Variants in DOCK6 observed in about 807,000 individuals in gnomAD.
The protein encoded by DOCK6 is dedicator of cytokinesis protein 6.
Under a neutral mutation model 230.3 loss-of-function variants are expected in DOCK6, and 167 were observed. The observed-to-expected ratio is 0.73, with a 90% CI of 0.64 to 0.82. DOCK6 has a LOEUF of 0.82. Among genes scored for constraint, DOCK6 ranks in the 40% least tolerant of loss-of-function variants. The pLI is 0.00. For missense variants in DOCK6, 2,598 were observed against 2,825.8 expected (o/e 0.92, Z 1.83); for synonymous variants, 1,148 against 1,185.0 (o/e 0.97, Z 0.64).
intron 24 of DOCK6, among the ~76,000 whole-genome samples, chr19:11,225,177 G>A (rs1408222332): frequency 6.6e-6 from 1 of 152,054 alleles, no homozygotes; most frequent in African/African-American, 2.4e-5. Flanking sequence ...GCGGTGAGCC[G>A]AGATCGTGCC....
In DOCK6 at chr19:11,222,349, A is replaced by G. The variant is rs906691670; in HGVS notation, c.3241-101T>C. ...GGAGGTGACAGAAATCATGGTGCCA[A>G]TAGCCACAGATGAAAGACTGATGTT... On this transcript the variant is annotated intron_variant, in intron 26 of 47. Coordinates refer to ENST00000294618, the MANE Select transcript of DOCK6 (RefSeq NM_020812.4). The surrounding 1 kb of genome is among the most constrained non-coding windows in gnomAD (Gnocchi z 4.0). 24 of 1,442,980 alleles carry G rather than the reference A, an allele frequency of 1.7e-5. No individual in the cohort carries two copies. The highest frequency in any genetic ancestry group is 2.1e-5 in the Admixed American group (1 of 47,510). The allele number at this position is 1,442,980 out of a possible 1,614,324, so 89.4% of individuals were successfully genotyped here.
chr19:11,243,772 T>C lies in DOCK6; in HGVS notation c.1104+30A>G, dbSNP rs771403818. On this transcript the variant is annotated intron_variant, in intron 10 of 47. Transcript: ENST00000294618. The surrounding 1 kb of genome is among the most constrained non-coding windows in gnomAD (Gnocchi z 6.3). ...CTAGCCCTGCTGAGTCAGGGATCTGTTGCCCCTAGTCCAGCCTCCACACGC... is the reference window on the plus strand; with the variant it reads ...CTAGCCCTGCTGAGTCAGGGATCTGCTGCCCCTAGTCCAGCCTCCACACGC... The C allele has an allele frequency of 1.1e-5, 17 of 1,613,366 alleles. No homozygotes were observed. Among genetic ancestry groups the C allele is most frequent in the Admixed American group, 1.7e-5 (1 of 59,900 alleles).
chr19:11,216,090 A>AATT, intron 30 of DOCK6, 163 bp from the exon 31 acceptor site: 5 of 621,684 alleles, frequency 8.0e-6, no homozygotes, highest in Non-Finnish European at 9.5e-6. Context: ...CAAAAAAAAA[A>AATT]TTTTTTTTTT....
intron 1 of DOCK6, chr19:11,254,120 A>C: frequency 1.8e-5 from 3 of 169,628 alleles, no homozygotes; most frequent in Admixed American, 6.4e-5. Flanking sequence ...CAGAACATAC[A>C]TCCCTTCCCA....
At chr19:11,220,867 C>T (rs2079568004) in intron 28 of DOCK6, among the ~76,000 whole-genome samples, 1 of 150,782 alleles carries the variant, frequency 6.6e-6, no homozygotes, top group South Asian at 2.1e-4. Flanking sequence ...CTCTGTCGCC[C>T]AGGCTGGAGT....
chr19:11,250,924 G>C lies in DOCK6; in HGVS notation c.670C>G (p.Arg224Gly). The change falls in exon 6 of 48, where the codon CGG becomes GGG. Residue 224 changes from arginine to glycine, a missense_variant. Arg to Gly is a moderately radical substitution (Grantham distance 125). Transcript: ENST00000294618. Reference protein sequence around the residue: ...DVDRRNETLRRQHRPPALLTL... With the variant: ...DVDRRNETLRGQHRPPALLTL... ...AGCAGGGCCGGGGGCCGGTGCTGCC[G>C]TCGAAGGGTTTCATTGCGCCGGTCC... is the stretch of plus-strand genomic sequence containing the variant. The C allele has an allele frequency of 6.2e-7, 1 of 1,609,108 alleles. No individual in the cohort carries two copies. The highest frequency in any genetic ancestry group is 8.5e-7 in the Non-Finnish European group (1 of 1,176,064).
rs750766127 is a variant in DOCK6 at position 11,243,614 on chromosome 19, AGTGCACGGCC to A, written c.1191_1200del (p.Ala398TrpfsTer5). ...CCAGCGCTGCTCACGATGTTGGCCA[AGTGCACGGCC>A]GTCCAGGCGAAGGGCATGCGGTAGC... On this transcript the variant is annotated frameshift_variant, in exon 11 of 48. Transcript: ENST00000294618. LOFTEE classifies it high-confidence loss of function. The surrounding 1 kb of genome is among the most constrained non-coding windows in gnomAD (Gnocchi z 6.3). 1 of 1,611,766 alleles carries A rather than the reference AGTGCACGGCC, an allele frequency of 6.2e-7. No homozygotes were observed. The highest frequency in any genetic ancestry group is 8.5e-7 in the Non-Finnish European group (1 of 1,179,412).
rs769519032 is a variant in DOCK6 at position 11,248,162 on chromosome 19, T to TG, written c.721-12dup. 14 of 1,154,954 alleles carry TG rather than the reference T, an allele frequency of 1.2e-5. No homozygotes were observed. Among genetic ancestry groups the TG allele is most frequent in the Non-Finnish European group, 1.4e-5 (11 of 806,128 alleles). The allele number at this position is 1,154,954 out of a possible 1,614,324, so 71.5% of individuals were successfully genotyped here. On this transcript the variant is annotated splice_polypyrimidine_tract_variant and intron_variant, in intron 6 of 47. Transcript: ENST00000294618. Reference sequence around the variant, plus strand: ...TTCCACGGCTTCATCCTGCCAAGAGTGGGGGGTGGGAGCTGGGCGGGAGGA... The same window carrying TG: ...TTCCACGGCTTCATCCTGCCAAGAGTGGGGGGGTGGGAGCTGGGCGGGAGGA...
chr19:11,244,936 G>A (rs2080009632), intron 9 of DOCK6, among the ~76,000 whole-genome samples: 1 of 152,158 alleles, frequency 6.6e-6, no homozygotes, highest in Non-Finnish European at 1.5e-5. Context: ...AGGCCACTCT[G>A]GGCATGGCTC....
chr19:11,204,148 G>T (rs1384789872), intron 40 of DOCK6, 52 bp downstream of exon 40: 2 of 1,524,736 alleles, frequency 1.3e-6, no homozygotes, highest in African/African-American at 1.4e-5. Context: ...TGAGGAGTGG[G>T]GATGAGGAGT....
intron 35 of DOCK6, among the ~76,000 whole-genome samples, chr19:11,212,561 C>CT (rs1363586266): frequency 0.046 from 4,555 of 99,872 alleles, 329 homozygotes; most frequent in African/African-American, 0.14. Context: ...TTCTTTCTTT[C>CT]TTTCTTTTTT....
chr19:11,246,134 T>C (rs1271671309), intron 7 of DOCK6, among the ~76,000 whole-genome samples: 3 of 151,000 alleles, frequency 2.0e-5, no homozygotes, highest in Non-Finnish European at 4.4e-5. Context: ...TGGTGCGATC[T>C]CGGCTCACTG....
At chr19:11,230,543 T>C (rs1242681674) in intron 22 of DOCK6, among the ~76,000 whole-genome samples, 1 of 151,874 alleles carries the variant, frequency 6.6e-6, no homozygotes, top group Non-Finnish European at 1.5e-5. Context: ...AGAATGTGTG[T>C]GGCCAGAGAA....
chr19:11,239,566 G>C, intron 14 of DOCK6: 1 of 1,568,462 alleles, frequency 6.4e-7, no homozygotes, highest in Non-Finnish European at 8.7e-7. Context: ...ACGATTGACT[G>C]GGGATCAGTG....
At chr19:11,239,602 G>A in intron 14 of DOCK6, 4 of 1,609,400 alleles carry the variant, frequency 2.5e-6, no homozygotes, top group Non-Finnish European at 3.4e-6. Flanking sequence ...AAAGGCTTCA[G>A]TGACAGTGCT....
intron 37 of DOCK6, among the ~76,000 whole-genome samples, chr19:11,209,319 C>T (rs2079322051): frequency 6.6e-6 from 1 of 151,752 alleles, no homozygotes; most frequent in African/African-American, 2.4e-5. Flanking sequence ...TTCTTACCTG[C>T]TGGCCAGTCA....
rs115427949 is a variant in DOCK6 at position 11,250,886 on chromosome 19, C to T, written c.708G>A (p.Pro236=). The change falls in exon 6 of 48, where the codon CCG becomes CCA. Residue 236 remains proline, a synonymous_variant. Coordinates refer to ENST00000294618, the MANE Select transcript of DOCK6 (RefSeq NM_020812.4). The part of the protein sequence containing the change: ...HRPPALLTLY[P]APDEDEAVER... ...AAGGGGCACCCACCTCGTCAGGTGCCGGGTAGAGGGTGAGCAGGGCCGGGG... is the reference window on the plus strand; with the variant it reads ...AAGGGGCACCCACCTCGTCAGGTGCTGGGTAGAGGGTGAGCAGGGCCGGGG... The T allele has an allele frequency of 4.8e-5, 77 of 1,596,306 alleles. No individual in the cohort carries two copies. The African/African-American group carries it at 9.1e-4, about 19-fold the overall frequency.
intron 34 of DOCK6, 59 bp downstream of exon 34, chr19:11,214,216 T>G (rs1245016228): frequency 2.6e-6 from 4 of 1,527,376 alleles, no homozygotes. Flanking sequence ...TGAGCCACTG[T>G]GCTCAGCCTA....
Position 11,201,087 on chromosome 19 carries a change from G to A in DOCK6, c.5689-35C>T. Reference sequence around the variant, plus strand: ...AAGGGGAGGGGTGTGTACTCGCTGGGGCCTGAGGAGGTCCTGATCGAAGCC... The same window carrying A: ...AAGGGGAGGGGTGTGTACTCGCTGGAGCCTGAGGAGGTCCTGATCGAAGCC... On this transcript the variant is annotated intron_variant, in intron 44 of 47. Transcript: ENST00000294618. This position sits in a 1 kb window ranked among gnomAD's most constrained non-coding sequence, Gnocchi z 4.3. 2.5e-6 allele frequency: 4 copies of A among 1,609,168 alleles called. No homozygotes were observed. Among genetic ancestry groups the A allele is most frequent in the Non-Finnish European group, 3.4e-6 (4 of 1,178,558 alleles).
Sources: gnomAD v4.1 joint callset for allele counts (sites outside exome capture counted in the v4.1 genomes callset) on GRCh38, gnomAD v4.1.1 for gene constraint, Gnocchi (gnomAD v3.1) non-coding constraint, MANE v1.5 for transcripts, NCBI Gene and HGNC (gene_info 2026-07-23, HGNC 2026-07-21) for gene names.